The following HYCC1 variants were observed in gnomAD, a reference collection of about 807,000 sequenced individuals.
HYCC1 encodes the protein hyccin.
the HYCC1 span, among the ~76,000 whole-genome samples, chr7:22,929,982 T>C: frequency 7.2e-5 from 11 of 151,756 alleles, no homozygotes; most frequent in African/African-American, 1.2e-4. Flanking sequence ...GAAAATGTGG[T>C]ACATATACAC....
At chr7:22,930,240 C>T in the HYCC1 span, among the ~76,000 whole-genome samples, 1 of 149,064 alleles carries the variant, frequency 6.7e-6, no homozygotes, top group Non-Finnish European at 1.5e-5. Flanking sequence ...ATACCTAATG[C>T]TAAATGATGA....
the HYCC1 span, among the ~76,000 whole-genome samples, chr7:22,920,656 A>C: frequency 7.9e-5 from 12 of 152,240 alleles, no homozygotes; most frequent in Admixed American, 1.3e-4. Context: ...AACTCAAATG[A>C]AAGTATAAAT....
the HYCC1 span, among the ~76,000 whole-genome samples, chr7:22,982,475 G>A: frequency 6.6e-6 from 1 of 152,120 alleles, no homozygotes; most frequent in African/African-American, 2.4e-5. Flanking sequence ...CTCAATTTTG[G>A]TAGTTTCATC....
At chr7:23,006,240 G>C in the HYCC1 span, among the ~76,000 whole-genome samples, 2 of 152,104 alleles carry the variant, frequency 1.3e-5, no homozygotes, top group Admixed American at 1.3e-4. Context: ...GATAAATATA[G>C]AGTTTATGAC....
At chr7:22,983,995 C>G in the HYCC1 span, 1 of 1,609,390 alleles carries the variant, frequency 6.2e-7, no homozygotes, top group Non-Finnish European at 8.5e-7. Context: ...CTAAAGAACT[C>G]TTGTCTTTCA....
chr7:22,922,754 A>T, the HYCC1 span, among the ~76,000 whole-genome samples: 2 of 152,344 alleles, frequency 1.3e-5, no homozygotes, highest in East Asian at 3.9e-4. Context: ...ACATAAAAAA[A>T]CTACAGTGGC....
At chr7:22,983,900 A>G in the HYCC1 span, 1 of 1,143,444 alleles carries the variant, frequency 8.7e-7, no homozygotes, top group Non-Finnish European at 1.3e-6. Flanking sequence ...TTAAAAATCA[A>G]TCAAGTCAAT....
chr7:22,965,824 T>C, the HYCC1 span, among the ~76,000 whole-genome samples: 236 of 152,166 alleles, frequency 1.6e-3, 1 homozygote, highest in African/African-American at 5.2e-3. Context: ...CTTGCTATGT[T>C]GTCCAAGCTG....
At chr7:22,960,057 T>A in the HYCC1 span, among the ~76,000 whole-genome samples, 1 of 152,220 alleles carries the variant, frequency 6.6e-6, no homozygotes, top group African/African-American at 2.4e-5. Flanking sequence ...TACATTTTCA[T>A]TCATATGTGT....
At chr7:23,001,495 T>C in the HYCC1 span, among the ~76,000 whole-genome samples, 1 of 152,192 alleles carries the variant, frequency 6.6e-6, no homozygotes, top group East Asian at 1.9e-4. Flanking sequence ...AATATTTTCA[T>C]TCTAAATTGA....
chr7:22,896,033 G>A, the HYCC1 span, among the ~76,000 whole-genome samples: 1 of 152,138 alleles, frequency 6.6e-6, no homozygotes, highest in Non-Finnish European at 1.5e-5. Context: ...AATTAAGATC[G>A]TATTTAAATA....
At chr7:23,007,898 G>T in the HYCC1 span, among the ~76,000 whole-genome samples, 2 of 151,952 alleles carry the variant, frequency 1.3e-5, no homozygotes, top group Non-Finnish European at 2.9e-5. Context: ...ATCTATCTTG[G>T]TTCCCCCTGA....
At chr7:22,960,839 C>T in the HYCC1 span, among the ~76,000 whole-genome samples, 4 of 152,068 alleles carry the variant, frequency 2.6e-5, no homozygotes, top group East Asian at 1.9e-4. Context: ...CACCTGAGGT[C>T]GGGAGTTTGA....
the HYCC1 span, among the ~76,000 whole-genome samples, chr7:22,902,247 C>T: frequency 6.6e-5 from 10 of 151,820 alleles, no homozygotes; most frequent in African/African-American, 2.4e-4. Flanking sequence ...AAATAGAACA[C>T]ATAAAAATAT....
At chr7:22,902,788 T>C in the HYCC1 span, among the ~76,000 whole-genome samples, 2 of 152,088 alleles carry the variant, frequency 1.3e-5, no homozygotes, top group Admixed American at 1.3e-4. Context: ...AATAGACTAA[T>C]ATAAAATCTA....
chr7:22,973,494 T>C, the HYCC1 span, among the ~76,000 whole-genome samples: 1 of 152,318 alleles, frequency 6.6e-6, no homozygotes, highest in East Asian at 1.9e-4. Context: ...ATAAATTTGA[T>C]AGAGTTCCTC....
the HYCC1 span, among the ~76,000 whole-genome samples, chr7:22,963,303 A>G: frequency 6.6e-6 from 1 of 152,368 alleles, no homozygotes; most frequent in South Asian, 2.1e-4. Flanking sequence ...TAAAGGCTCT[A>G]GTGGAAAAGA....
At chr7:22,945,308 T>C in the HYCC1 span, 54 of 469,416 alleles carry the variant, frequency 1.2e-4, no homozygotes, top group African/African-American at 1.0e-3. Flanking sequence ...CCTGTCAAAA[T>C]TTATTGTCAC....
chr7:22,991,209 G>C, the HYCC1 span: 1 of 999,316 alleles, frequency 1.0e-6, no homozygotes, highest in Non-Finnish European at 1.5e-6. Context: ...TATGAACAGA[G>C]ATAATCCTAT....
Sources: allele counts gnomAD v4.1 joint callset (sites outside exome capture counted in the v4.1 genomes callset), GRCh38; gene constraint gnomAD v4.1.1; transcripts MANE v1.5; gene names NCBI Gene and HGNC (gene_info 2026-07-23, HGNC 2026-07-21).